The following NDFIP2 variants were observed in gnomAD, a reference collection of about 807,000 sequenced individuals.
The protein encoded by NDFIP2 is Nedd4 family interacting protein 2.
NDFIP2 carries 19 observed loss-of-function variants against 36.0 expected under a neutral mutation model. That is an observed-to-expected ratio of 0.53 (90% CI 0.37 to 0.77). The LOEUF (loss-of-function observed/expected upper bound fraction) is 0.77. Ranked by LOEUF, NDFIP2 falls within the 30% of genes least tolerant of loss-of-function variation. The pLI, the probability that NDFIP2 is intolerant of heterozygous loss-of-function variation, is 0.00. For missense variants in NDFIP2, 446 were observed against 435.8 expected, an observed-to-expected ratio of 1.02 and a Z score of -0.21; for synonymous variants, 181 against 167.7, an observed-to-expected ratio of 1.08 and a Z score of -0.61.
At chr13:79,503,596 T>G (rs1203480088) in intron 1 of NDFIP2, among the ~76,000 whole-genome samples, 7 of 152,168 alleles carry the variant, frequency 4.6e-5, no homozygotes, top group African/African-American at 1.7e-4. Flanking sequence ...GAAGCAGTTC[T>G]AGATGATGAC....
chr13:79,483,794 A>G (rs1293280686), intron 1 of NDFIP2, among the ~76,000 whole-genome samples: 1 of 152,172 alleles, frequency 6.6e-6, no homozygotes, highest in African/African-American at 2.4e-5. Context: ...AAAGCATCCA[A>G]AATTTATTGA....
intron 1 of NDFIP2, among the ~76,000 whole-genome samples, chr13:79,493,831 C>T (rs1203610718): frequency 6.6e-6 from 1 of 152,056 alleles, no homozygotes; most frequent in Non-Finnish European, 1.5e-5. Context: ...ACTCACACCT[C>T]GGTAATCTTT....
chr13:79,487,373 G>C (rs1271723549), intron 1 of NDFIP2, among the ~76,000 whole-genome samples: 1 of 152,040 alleles, frequency 6.6e-6, no homozygotes, highest in African/African-American at 2.4e-5. Context: ...TTATCATATA[G>C]TTTTCATCGT....
intron 1 of NDFIP2, among the ~76,000 whole-genome samples, chr13:79,501,795 C>T (rs1042982857): frequency 6.6e-6 from 1 of 152,012 alleles, no homozygotes; most frequent in Admixed American, 6.6e-5. Flanking sequence ...CTTGAGTATT[C>T]TGTTGTTAGC....
At position 79,543,691 on chromosome 13, in the gene NDFIP2, C is replaced by T. The variant is rs776258863; in HGVS notation, c.840+9C>T. 12 of 1,611,688 alleles carry T rather than the reference C, an allele frequency of 7.4e-6. No individual in the cohort carries two copies. The highest frequency in any genetic ancestry group is 6.7e-5 in the Admixed American group (4 of 59,612). On this transcript the variant is annotated intron_variant, in intron 5 of 7. Transcript: ENST00000218652. ...GGATCCTTATTGTCAGGGTGAGTGTCTTGATAGCCTGTATCTCTTTTATCT... is the reference window on the plus strand; with the variant it reads ...GGATCCTTATTGTCAGGGTGAGTGTTTTGATAGCCTGTATCTCTTTTATCT...
chr13:79,543,823 A>G (rs950317671), intron 5 of NDFIP2, 141 bp downstream of exon 5: 14 of 1,047,038 alleles, frequency 1.3e-5, no homozygotes, highest in Non-Finnish European at 1.8e-5. Context: ...CTTAATCATT[A>G]TAGTGAGCTC....
chr13:79,522,612 G>A (rs996601414), intron 2 of NDFIP2, among the ~76,000 whole-genome samples: 17 of 152,110 alleles, frequency 1.1e-4, no homozygotes, highest in Non-Finnish European at 7.4e-5. Flanking sequence ...ATGGTGGCTG[G>A]GGTTGGAATT....
At position 79,523,456 on chromosome 13, in the gene NDFIP2, G is replaced by T. The variant is rs941192305; in HGVS notation, c.487+2481G>T. On this transcript the variant is annotated intron_variant, in intron 2 of 7. Coordinates refer to ENST00000218652, the MANE Select transcript of NDFIP2 (RefSeq NM_019080.3). ...GCTGGTCTCGAACTCCTGACCTAGG[G>T]TGATCTGCCCACCTCGGCCTCCCAA... Among the ~76,000 whole-genome samples, 3 of 152,266 alleles carry T rather than the reference G, an allele frequency of 2.0e-5. No individual in the cohort carries two copies. In the South Asian group the frequency reaches 6.2e-4, roughly 32 times the overall value.
intron 1 of NDFIP2, among the ~76,000 whole-genome samples, chr13:79,510,299 A>C (rs1874034565): frequency 6.6e-6 from 1 of 151,638 alleles, no homozygotes; most frequent in Non-Finnish European, 1.5e-5. Context: ...TAAAAGTATT[A>C]GGCAGTTAAT....
intron 1 of NDFIP2, chr13:79,519,207 G>A (rs767884783): frequency 2.0e-5 from 3 of 152,116 alleles, no homozygotes; most frequent in Non-Finnish European, 4.4e-5. Flanking sequence ...TTATTTGGGA[G>A]ATTATTTTTA....
At chr13:79,533,242 A>G in intron 2 of NDFIP2, 81 bp from the exon 3 acceptor site, 2 of 1,316,618 alleles carry the variant, frequency 1.5e-6, no homozygotes, top group Non-Finnish European at 2.1e-6. Context: ...ATTGGTGGCC[A>G]GTTGTAAATT....
chr13:79,487,300 C>T (rs1479556115), intron 1 of NDFIP2, among the ~76,000 whole-genome samples: 3 of 152,156 alleles, frequency 2.0e-5, no homozygotes, highest in African/African-American at 7.2e-5. Flanking sequence ...AAGCTTCTTT[C>T]ATTCAGCATG....
rs550632086 is a variant in NDFIP2, at chr13:79,501,424, A to G, written c.322-19386A>G. ...TGTTGGGGAAGGGGGTGTATGGGAA[A>G]GCTCTGTACCTTATGCGGACTTTTC... On this transcript the variant is annotated intron_variant, in intron 1 of 7. Coordinates refer to ENST00000218652, the MANE Select transcript of NDFIP2 (RefSeq NM_019080.3). Among the ~76,000 whole-genome samples the G allele has an allele frequency of 5.3e-4, 81 of 152,140 alleles. 1 individual carries two copies. In the South Asian group the frequency reaches 6.9e-3, roughly 13 times the overall value.
At chr13:79,523,673 A>C (rs1184466912) in intron 2 of NDFIP2, among the ~76,000 whole-genome samples, 1 of 152,200 alleles carries the variant, frequency 6.6e-6, no homozygotes, top group Non-Finnish European at 1.5e-5. Flanking sequence ...TTTCTCTTGG[A>C]ATACCCACTC....
At chr13:79,526,137 A>T (rs1874787211) in intron 2 of NDFIP2, among the ~76,000 whole-genome samples, 1 of 152,172 alleles carries the variant, frequency 6.6e-6, no homozygotes, top group African/African-American at 2.4e-5. Flanking sequence ...GATTCAAGCA[A>T]TATGTGGGAA....
intron 3 of NDFIP2, among the ~76,000 whole-genome samples, chr13:79,538,307 A>G (rs1875323100): frequency 6.6e-6 from 1 of 152,084 alleles, no homozygotes; most frequent in Non-Finnish European, 1.5e-5. Flanking sequence ...TCCTTCTCAC[A>G]TTTCAAAATA....
intron 2 of NDFIP2, among the ~76,000 whole-genome samples, chr13:79,523,019 A>G (rs762315855): frequency 6.6e-6 from 1 of 152,088 alleles, no homozygotes; most frequent in African/African-American, 2.4e-5. Context: ...TTCTCCTTCT[A>G]CAGTCTCTCC....
intron 1 of NDFIP2, among the ~76,000 whole-genome samples, chr13:79,503,680 C>T (rs957150704): frequency 6.6e-6 from 1 of 152,136 alleles, no homozygotes; most frequent in African/African-American, 2.4e-5. Flanking sequence ...TCCATCATTA[C>T]TTTTTGTTTT....
chr13:79,552,972 T>C lies in NDFIP2; in HGVS notation c.*459T>C, dbSNP rs1490699633. The C allele has an allele frequency of 1.3e-5, 2 of 151,862 alleles. No homozygotes were observed. Among genetic ancestry groups the C allele is most frequent in the African/African-American group, 4.8e-5 (2 of 41,398 alleles). The allele number at this position is 151,862 out of a possible 1,614,324, so 9.4% of individuals were successfully genotyped here. A position where few individuals can be genotyped will look rare whatever the true frequency, so the allele number is the denominator to read the frequency against. ...TAGACTCATCTGGCAGTTCTACACA[T>C]GAAACATCTTTTGTTATATAAGGTG... On this transcript the variant is annotated 3_prime_UTR_variant, in exon 8 of 8. Transcript: ENST00000218652.
Sources: gnomAD v4.1 joint callset for allele counts (sites outside exome capture counted in the v4.1 genomes callset) on GRCh38, gnomAD v4.1.1 for gene constraint, MANE v1.5 for transcripts, NCBI Gene and HGNC (gene_info 2026-07-23, HGNC 2026-07-21) for gene names.